Variants in BRCA1 observed in about 807,000 individuals in gnomAD.
The protein encoded by BRCA1 is breast cancer type 1 susceptibility protein.
In BRCA1, 140 loss-of-function variants were observed where a neutral mutation model predicts 173.7. That is an observed-to-expected ratio of 0.81 (90% confidence interval 0.70 to 0.93). BRCA1 has a LOEUF of 0.93. Ranked by LOEUF, BRCA1 falls within the 40% of genes least tolerant of loss-of-function variation. The pLI is 0.00. For synonymous variants in BRCA1, 662 were observed against 756.0 expected, an observed-to-expected ratio of 0.88 and a Z score of 2.04; for missense variants, 1,983 against 2,172.5, an observed-to-expected ratio of 0.91 and a Z score of 1.73.
At position 43,094,170 on chromosome 17, in the gene BRCA1, C is replaced by T. The variant is rs80357181; in HGVS notation, c.1361G>A (p.Ser454Asn). 1.9e-6 allele frequency: 3 copies of T among 1,613,946 alleles called. No homozygotes were observed. The African/African-American group carries it at 4.0e-5, about 22-fold the overall frequency. ...CCCAAATATTTTGTCTTCAATATTA[C>T]TCTCTACTGATTTGGAGTGAACTCT... ...SERVHSKSVE[S>N]NIEDKIFGKT... The change falls in exon 10 of 23, where the codon AGT (serine) becomes AAT (asparagine). Residue 454 changes from serine to asparagine, a missense_variant. Physicochemically the swap from Ser to Asn is conservative, Grantham distance 46. Coordinates refer to ENST00000357654, the MANE Select transcript of BRCA1 (RefSeq NM_007294.4).
chr17:43,137,641 G>A (rs1159292928), intron 1 of BRCA1, among the ~76,000 whole-genome samples: 1 of 152,086 alleles, frequency 6.6e-6, no homozygotes, highest in Non-Finnish European at 1.5e-5. Flanking sequence ...AGCACTTTGG[G>A]AGGTCAAGGT....
intron 1 of BRCA1, among the ~76,000 whole-genome samples, chr17:43,150,731 G>GC (rs1218498910): frequency 9.2e-5 from 14 of 151,424 alleles, no homozygotes; most frequent in East Asian, 5.9e-4. Flanking sequence ...CTGAGCTCTA[G>GC]CTAAAAAAAA....
At chr17:43,134,117 T>G (rs558844254) in intron 1 of BRCA1, among the ~76,000 whole-genome samples, 47 of 152,338 alleles carry the variant, frequency 3.1e-4, no homozygotes, top group South Asian at 8.3e-4. Flanking sequence ...TCCTCTCTGG[T>G]CCCTTGACCC....
At chr17:43,143,991 C>T (rs1159020245) in intron 1 of BRCA1, among the ~76,000 whole-genome samples, 8 of 152,080 alleles carry the variant, frequency 5.3e-5, no homozygotes, top group African/African-American at 1.9e-4. Flanking sequence ...GAGGCTGAGG[C>T]GGGCAGATCA....
intron 20 of BRCA1, among the ~76,000 whole-genome samples, chr17:43,050,770 TCTCA>T (rs1474901321): frequency 1.3e-5 from 2 of 152,288 alleles, no homozygotes; most frequent in Middle Eastern, 3.4e-3. Flanking sequence ...AAAGATATTT[TCTCA>T]CTAACATGTT....
In BRCA1 at chr17:43,050,608, C is replaced by CA. The variant is rs35805899; in HGVS notation, c.5332+454dup. ...GGCCTGGGCAACAGAGACTCGACCT[C>CA]AAAAAAAAAGAAAAAAAAAAAGAAA... is the stretch of plus-strand genomic sequence containing the variant. On this transcript the variant is annotated intron_variant, in intron 20 of 22. Transcript: ENST00000357654. 1.1e-4 allele frequency among the ~76,000 whole-genome samples: 13 copies of CA among 114,592 alleles called. 1 individual carries two copies. The highest frequency in any genetic ancestry group is 4.4e-4 in the Admixed American group (5 of 11,350). The allele number at this position is 114,592 out of a possible 152,430, so 75.2% of individuals were successfully genotyped here.
chr17:43,137,791 C>T (rs2056039486), intron 1 of BRCA1, among the ~76,000 whole-genome samples: 1 of 151,734 alleles, frequency 6.6e-6, no homozygotes, highest in Non-Finnish European at 1.5e-5. Context: ...GCAGGAGAAT[C>T]ATTTGAACCT....
chr17:43,057,476 A>G (rs2051551750), intron 18 of BRCA1, among the ~76,000 whole-genome samples: 1 of 151,266 alleles, frequency 6.6e-6, no homozygotes, highest in Non-Finnish European at 1.5e-5. Flanking sequence ...GTGCCACTGC[A>G]CTCCAGCCTG....
In BRCA1 at chr17:43,076,570, T is replaced by C. The variant is rs80357022; in HGVS notation, c.4402A>G (p.Asn1468Asp). The change falls in exon 13 of 23, where the codon AAT becomes GAT. Residue 1468 changes from asparagine to aspartate, a missense_variant. By Grantham distance (23) the Asn-to-Asp change is conservative. Transcript: ENST00000357654. ...QKSSEYPISQ[N>D]PEGLSADKFE... ...TTGTCAGCAGAAAGGCCTTCTGGAT[T>C]CTGGCTTATAGGGTATTCACTACTT... 1.9e-6 allele frequency: 3 copies of C among 1,613,732 alleles called. No homozygotes were observed. In the South Asian group the frequency reaches 3.3e-5, roughly 18 times the overall value.
chr17:43,094,287 A>G lies in BRCA1; in HGVS notation c.1244T>C (p.Val415Ala), dbSNP rs1064796031. The G allele has an allele frequency of 6.2e-7, 1 of 1,614,202 alleles. No individual in the cohort carries two copies. The highest frequency in any genetic ancestry group is 8.5e-7 in the Non-Finnish European group (1 of 1,180,034). ...AGAATATTCATCTACCTCATTTAGAACGTCCAATACATCAGCTACTTTGGC... is the reference window on the plus strand; with the variant it reads ...AGAATATTCATCTACCTCATTTAGAGCGTCCAATACATCAGCTACTTTGGC... ...SNAKVADVLD[V>A]LNEVDEYSGS... The change falls in exon 10 of 23, where the codon GTT becomes GCT. Residue 415 changes from valine to alanine, a missense_variant. Val to Ala is a moderately conservative substitution (Grantham distance 64). Coordinates refer to ENST00000357654, the MANE Select transcript of BRCA1 (RefSeq NM_007294.4).
chr17:43,066,990 A>G (rs1259463850), intron 16 of BRCA1, among the ~76,000 whole-genome samples: 3 of 147,612 alleles, frequency 2.0e-5, no homozygotes, highest in African/African-American at 5.0e-5. Flanking sequence ...CCTAATTTTT[A>G]TATTTTTAGT....
chr17:43,169,886 C>A (rs2154581822), intron 1 of BRCA1: 1 of 407,660 alleles, frequency 2.5e-6, no homozygotes, highest in South Asian at 1.9e-5. Flanking sequence ...TTTTCCCCCC[C>A]TCTACACTGC....
At position 43,093,937 on chromosome 17, in the gene BRCA1, T is replaced by A. The variant is rs2053915860; in HGVS notation, c.1594A>T (p.Ile532Leu). Reference sequence around the variant, plus strand: ...TCCGTTTGGTTAGTTCCCTGATTTATCATTTCAGGAGTCTTTTGAACTGCC... The same window carrying A: ...TCCGTTTGGTTAGTTCCCTGATTTAACATTTCAGGAGTCTTTTGAACTGCC... Reference protein sequence around the residue: ...DLAVQKTPEMINQGTNQTEQN... With the variant: ...DLAVQKTPEMLNQGTNQTEQN... Residue 532 changes from isoleucine (I) to leucine (L), a missense_variant, in exon 10 of 23, where the codon ATA becomes TTA. Ile to Leu is a conservative substitution (Grantham distance 5). Transcript: ENST00000357654. The A allele has an allele frequency of 6.2e-7, 1 of 1,613,956 alleles. No individual in the cohort carries two copies. Among genetic ancestry groups the A allele is most frequent in the Non-Finnish European group, 8.5e-7 (1 of 1,179,930 alleles).
intron 20 of BRCA1, among the ~76,000 whole-genome samples, chr17:43,050,561 C>T (rs1407729878): frequency 2.0e-5 from 3 of 149,650 alleles, no homozygotes; most frequent in Admixed American, 1.3e-4. Context: ...TGCAGTGAGC[C>T]GAGATCGCGC....
chr17:43,119,943 G>A (rs567691685), intron 2 of BRCA1, among the ~76,000 whole-genome samples: 11 of 152,274 alleles, frequency 7.2e-5, no homozygotes, highest in South Asian at 6.2e-4. Context: ...TGTGAAAAGG[G>A]AAAAGAAAAA....
chr17:43,057,607 A>G (rs1348517870), intron 18 of BRCA1, among the ~76,000 whole-genome samples: 2 of 151,952 alleles, frequency 1.3e-5, no homozygotes, highest in Non-Finnish European at 2.9e-5. Flanking sequence ...AGGCCGAGAC[A>G]GGCGGATCAC....
At chr17:43,071,311 A>T in intron 14 of BRCA1, 73 bp from the exon 15 acceptor site, 1 of 1,529,832 alleles carries the variant, frequency 6.5e-7, no homozygotes, top group Non-Finnish European at 9.0e-7. Context: ...CTCTGTTAAG[A>T]ATTAAAAAGA....
At chr17:43,141,429 C>A (rs568676800) in intron 1 of BRCA1, among the ~76,000 whole-genome samples, 1 of 151,994 alleles carries the variant, frequency 6.6e-6, no homozygotes, top group East Asian at 1.9e-4. Context: ...TATGAATGCA[C>A]CACTGCACTC....
upstream of BRCA1, among the ~76,000 whole-genome samples, chr17:43,130,368 G>A (rs1195085663): frequency 6.6e-6 from 1 of 152,124 alleles, no homozygotes; most frequent in African/African-American, 2.4e-5. Context: ...AGGCGGGAGT[G>A]CAGTGGCATG....
Sources: allele counts gnomAD v4.1 joint callset (sites outside exome capture counted in the v4.1 genomes callset), GRCh38; gene constraint gnomAD v4.1.1; transcripts MANE v1.5; gene names NCBI Gene and HGNC (gene_info 2026-07-23, HGNC 2026-07-21).